SLC39A11: variants seen among roughly 807,000 people sequenced by gnomAD.
The protein encoded by SLC39A11 is zinc transporter ZIP11.
A neutral mutation model predicts 36.1 loss-of-function variants in SLC39A11; 33 were observed. The observed-to-expected ratio is 0.91, with a 90% CI of 0.69 to 1.22. The LOEUF is 1.22. SLC39A11 is among the 50% of genes most tolerant of loss of function. The pLI is 0.00. For missense variants in SLC39A11, 432 were observed against 430.3 expected, an observed-to-expected ratio of 1.00 and a Z score of -0.03; for synonymous variants, 166 against 170.3, an observed-to-expected ratio of 0.97 and a Z score of 0.20.
chr17:72,837,043 C>T (rs148899393), intron 6 of SLC39A11, among the ~76,000 whole-genome samples: 2 of 152,216 alleles, frequency 1.3e-5, no homozygotes, highest in African/African-American at 4.8e-5. Flanking sequence ...TCTTGCAAGT[C>T]GGGGCCCTGG....
chr17:72,949,566 C>A (rs953208576), intron 4 of SLC39A11, among the ~76,000 whole-genome samples: 1 of 151,932 alleles, frequency 6.6e-6, no homozygotes, highest in Non-Finnish European at 1.5e-5. Context: ...TGGTTCACGA[C>A]GGCACAGGCT....
chr17:73,078,021 A>G (rs1462513633), intron 3 of SLC39A11, among the ~76,000 whole-genome samples: 17 of 152,056 alleles, frequency 1.1e-4, no homozygotes, highest in African/African-American at 4.1e-4. Flanking sequence ...GGTGGATCAC[A>G]AGGTCAGGAG....
intron 4 of SLC39A11, among the ~76,000 whole-genome samples, chr17:73,015,321 G>C (rs1456270054): frequency 6.6e-6 from 1 of 152,052 alleles, no homozygotes; most frequent in African/African-American, 2.4e-5. Flanking sequence ...TGGGCCTTTG[G>C]TTTCTCACTC....
intron 7 of SLC39A11, among the ~76,000 whole-genome samples, chr17:72,678,836 G>A (rs1227837562): frequency 6.6e-6 from 1 of 152,150 alleles, no homozygotes; most frequent in Non-Finnish European, 1.5e-5. Flanking sequence ...AATAGTGCTT[G>A]AGGCTGTTCA....
Position 73,038,132 on chromosome 17 carries a change from G to A in SLC39A11, c.148-6418C>T, listed in dbSNP as rs577520548. On this transcript the variant is annotated intron_variant, in intron 3 of 9. Transcript: ENST00000255559. Reference sequence around the variant, plus strand: ...CCAGCTACTCGGGAGGCTGAGACATGAGAATCACTTCAACCCGGGAGGCGG... The same window carrying A: ...CCAGCTACTCGGGAGGCTGAGACATAAGAATCACTTCAACCCGGGAGGCGG... 2.0e-5 allele frequency among the ~76,000 whole-genome samples: 3 copies of A among 152,292 alleles called. No individual in the cohort carries two copies. The South Asian group carries it at 6.2e-4, about 32-fold the overall frequency.
intron 4 of SLC39A11, among the ~76,000 whole-genome samples, chr17:73,011,244 C>T (rs74353432): frequency 0.014 from 2,061 of 152,288 alleles, 34 homozygotes; most frequent in South Asian, 0.041. Context: ...ACCGCAGAGG[C>T]GGTGCCCCAG....
At chr17:72,750,617 G>A (rs1241790210) in intron 6 of SLC39A11, among the ~76,000 whole-genome samples, 1 of 151,924 alleles carries the variant, frequency 6.6e-6, no homozygotes, top group Non-Finnish European at 1.5e-5. Context: ...CTCCCCACAT[G>A]TGATTCCCAC....
At chr17:72,779,272 C>T (rs1436088280) in intron 6 of SLC39A11, among the ~76,000 whole-genome samples, 2 of 151,848 alleles carry the variant, frequency 1.3e-5, no homozygotes, top group African/African-American at 2.4e-5. Context: ...GGTGAAACCC[C>T]GTCTCTACTA....
chr17:72,711,781 G>A (rs2073113056), intron 7 of SLC39A11, among the ~76,000 whole-genome samples: 1 of 152,162 alleles, frequency 6.6e-6, no homozygotes, highest in Admixed American at 6.5e-5. Context: ...CCCCTTGATG[G>A]TCATAGCTCT....
At chr17:73,054,562 C>G (rs1015524619) in intron 3 of SLC39A11, among the ~76,000 whole-genome samples, 7 of 152,176 alleles carry the variant, frequency 4.6e-5, no homozygotes, top group African/African-American at 1.7e-4. Flanking sequence ...AATCCAGAGA[C>G]AGTGGGAGGC....
At position 72,783,527 on chromosome 17, in the gene SLC39A11, T is replaced by C. The variant is rs548421261; in HGVS notation, c.602-46808A>G. On this transcript the variant is annotated intron_variant, in intron 6 of 9. Transcript: ENST00000255559. ...GTTTGGAGCCTGTAGAACATTCAGA[T>C]GAATCTACCTCAGCCAGATGGCTGG... is the stretch of plus-strand genomic sequence containing the variant. 2.0e-5 allele frequency among the ~76,000 whole-genome samples: 3 copies of C among 152,318 alleles called. No homozygotes were observed. The East Asian group carries it at 5.8e-4, about 29-fold the overall frequency.
intron 3 of SLC39A11, among the ~76,000 whole-genome samples, chr17:73,048,649 G>A (rs2059397638): frequency 6.6e-6 from 1 of 152,160 alleles, no homozygotes; most frequent in Non-Finnish European, 1.5e-5. Flanking sequence ...TTCTAGCCCT[G>A]CTTGTGACTA....
Position 72,849,776 on chromosome 17 carries a change from C to G in SLC39A11, c.459G>C (p.Gln153His). 2 of 1,585,476 alleles carry G rather than the reference C, an allele frequency of 1.3e-6. No homozygotes were observed. The highest frequency in any genetic ancestry group is 1.7e-6 in the Non-Finnish European group (2 of 1,170,424). The change falls in exon 6 of 10, where the codon CAG becomes CAC. Residue 153 changes from glutamine (Q) to histidine (H), a missense_variant. Gln to His is a conservative substitution (Grantham distance 24, BLOSUM62 0). Coordinates refer to ENST00000255559, the MANE Select transcript of SLC39A11 (RefSeq NM_139177.4). ...GGCCAGTGGCTGCCGCCTTCTTTCT[C>G]TGATATGCCTCACCATTCTCACTCT... ...IDKSENGEAY[Q>H]RKKAAATGLP...
At chr17:72,909,706 G>A (rs916500403) in intron 5 of SLC39A11, among the ~76,000 whole-genome samples, 2 of 151,916 alleles carry the variant, frequency 1.3e-5, no homozygotes, top group African/African-American at 4.8e-5. Flanking sequence ...GAGGCTTGCA[G>A]AGCCAGTTTG....
intron 5 of SLC39A11, among the ~76,000 whole-genome samples, chr17:72,864,666 T>G (rs1477065678): frequency 6.6e-6 from 1 of 152,176 alleles, no homozygotes; most frequent in Non-Finnish European, 1.5e-5. Context: ...AAATATTCAC[T>G]GATGAACTCA....
intron 6 of SLC39A11, among the ~76,000 whole-genome samples, chr17:72,804,252 T>C (rs2077183946): frequency 6.6e-6 from 1 of 152,092 alleles, no homozygotes; most frequent in Non-Finnish European, 1.5e-5. Context: ...AAGTCCCCAT[T>C]TGAATGCAAA....
chr17:72,810,691 CT>C (rs34412312), intron 6 of SLC39A11, among the ~76,000 whole-genome samples: 1,873 of 144,130 alleles, frequency 0.013, 14 homozygotes, highest in Middle Eastern at 0.029. Context: ...TGTAAAAATT[CT>C]TTTTTTTTTT....
chr17:73,062,250 A>C (rs888228358), intron 3 of SLC39A11, among the ~76,000 whole-genome samples: 2 of 151,706 alleles, frequency 1.3e-5, no homozygotes, highest in Non-Finnish European at 2.9e-5. Context: ...ACATGAGCTC[A>C]CAAGTTCGAG....
At position 72,660,902 on chromosome 17, in the gene SLC39A11, C is replaced by T. The variant is rs112257989; in HGVS notation, c.672-11634G>A. On this transcript the variant is annotated intron_variant, in intron 7 of 9. Transcript: ENST00000255559. ...GTCTCCAGACATGGCCAAATGTCTC[C>T]GGGGAGGGGGAGGGGACCAACCCTG... 4.6e-3 allele frequency among the ~76,000 whole-genome samples: 694 copies of T among 152,206 alleles called. 10 individuals are homozygous for T. The highest frequency in any genetic ancestry group is 0.015 in the African/African-American group (643 of 41,508).
Sources: allele counts gnomAD v4.1 joint callset (sites outside exome capture counted in the v4.1 genomes callset), GRCh38; gene constraint gnomAD v4.1.1; transcripts MANE v1.5; gene names NCBI Gene and HGNC (gene_info 2026-07-23, HGNC 2026-07-21).